The following MEI4 variants were observed in gnomAD, a reference collection of about 807,000 sequenced individuals.
MEI4 encodes meiosis-specific protein MEI4.
In MEI4, 27 loss-of-function variants were observed where a neutral mutation model predicts 31.4. That is an observed-to-expected ratio of 0.86 (90% CI 0.63 to 1.19). The LOEUF is 1.19. Among genes scored for constraint, MEI4 ranks in the 50% most tolerant of loss-of-function variants. The probability of loss-of-function intolerance (pLI) is 0.00; values close to 1 mark genes in which losing one functional copy is unlikely to be tolerated. For synonymous variants in MEI4, 122 were observed against 145.4 expected (o/e 0.84, Z 1.16); for missense variants, 329 against 398.9 (o/e 0.82, Z 1.49).
chr6:77,818,892 ACTATTTTTTTT>A (rs1286049857), intron 3 of MEI4, among the ~76,000 whole-genome samples: 1 of 151,490 alleles, frequency 6.6e-6, no homozygotes, highest in Admixed American at 6.6e-5. Flanking sequence ...ATCACACCCA[ACTATTTTTTTT>A]TTATTTGTAT....
intron 2 of MEI4, among the ~76,000 whole-genome samples, chr6:77,758,992 T>C (rs926369588): frequency 1.3e-5 from 2 of 152,288 alleles, no homozygotes; most frequent in East Asian, 3.9e-4. Context: ...TCCATTGCAA[T>C]AAGTTCTCTG....
chr6:77,651,394 T>G (rs1768295409), upstream of MEI4, among the ~76,000 whole-genome samples: 1 of 152,234 alleles, frequency 6.6e-6, no homozygotes. Flanking sequence ...CAGACACATT[T>G]GGACTTGAAT....
At chr6:77,699,187 TTC>T in intron 2 of MEI4, among the ~76,000 whole-genome samples, 1 of 105,384 alleles carries the variant, frequency 9.5e-6, no homozygotes, top group South Asian at 3.1e-4. Flanking sequence ...TTTTCAAAGT[TTC>T]TTTTTTTTTT....
intron 2 of MEI4, among the ~76,000 whole-genome samples, chr6:77,751,901 C>A (rs1381367644): frequency 6.6e-6 from 1 of 152,094 alleles, no homozygotes; most frequent in African/African-American, 2.4e-5. Flanking sequence ...AGCAGCACAT[C>A]ATCAAAAAGC....
intron 1 of MEI4, among the ~76,000 whole-genome samples, chr6:77,675,086 A>AT (rs576509340): frequency 5.4e-4 from 43 of 79,782 alleles, no homozygotes; most frequent in African/African-American, 2.8e-3. Flanking sequence ...GTAATTTATC[A>AT]TTTTTATTAG....
At chr6:77,750,077 T>C (rs989000644) in intron 2 of MEI4, among the ~76,000 whole-genome samples, 6 of 152,104 alleles carry the variant, frequency 3.9e-5, no homozygotes, top group Non-Finnish European at 8.8e-5. Context: ...GCTGAGAGAT[T>C]TTTGTCATCA....
At chr6:77,790,775 A>T (rs1467254639) in intron 3 of MEI4, among the ~76,000 whole-genome samples, 1 of 152,196 alleles carries the variant, frequency 6.6e-6, no homozygotes, top group African/African-American at 2.4e-5. Context: ...AAAAAATTGT[A>T]TCTAATAGAA....
intron 2 of MEI4, among the ~76,000 whole-genome samples, chr6:77,733,878 G>T (rs183994989): frequency 6.6e-6 from 1 of 151,928 alleles, no homozygotes; most frequent in Admixed American, 6.6e-5. Context: ...CCTTCATTTT[G>T]TTATGTACCC....
intron 2 of MEI4, among the ~76,000 whole-genome samples, chr6:77,711,035 T>A (rs1188826755): frequency 5.3e-5 from 8 of 152,218 alleles, no homozygotes; most frequent in Non-Finnish European, 1.2e-4. Flanking sequence ...TGAGATCAGC[T>A]TTTTTAGATT....
intron 2 of MEI4, among the ~76,000 whole-genome samples, chr6:77,742,230 CCCA>C (rs1276072761): frequency 6.6e-6 from 1 of 151,640 alleles, no homozygotes; most frequent in Non-Finnish European, 1.5e-5. Context: ...AGTTTACAGT[CCCA>C]CCAACAGTGT....
At chr6:77,868,514 T>TATATATATATATATATATAG (rs1398335273) in intron 4 of MEI4, among the ~76,000 whole-genome samples, 1 of 129,682 alleles carries the variant, frequency 7.7e-6, no homozygotes, top group Non-Finnish European at 1.6e-5. Flanking sequence ...TATATATATA[T>TATATATATATATATATATAG]ATATATATAT....
intron 4 of MEI4, among the ~76,000 whole-genome samples, chr6:77,921,303 A>G (rs374611230): frequency 8.6e-5 from 13 of 151,920 alleles, no homozygotes; most frequent in African/African-American, 2.7e-4. Context: ...TCTGCTATCT[A>G]TCTTCAGAGT....
intron 4 of MEI4, among the ~76,000 whole-genome samples, chr6:77,888,676 T>G (rs1220950680): frequency 1.3e-5 from 2 of 152,184 alleles, no homozygotes; most frequent in Admixed American, 6.5e-5. Context: ...TTCTGGCCTT[T>G]AAGGTTTCTG....
intron 3 of MEI4, among the ~76,000 whole-genome samples, chr6:77,793,793 G>GA (rs1270504165): frequency 1.3e-5 from 2 of 151,600 alleles, no homozygotes; most frequent in African/African-American, 2.4e-5. Flanking sequence ...AATTGATACA[G>GA]AAAAAATTAA....
chr6:77,790,458 G>A (rs1482604737), intron 3 of MEI4, among the ~76,000 whole-genome samples: 1 of 151,868 alleles, frequency 6.6e-6, no homozygotes, highest in Non-Finnish European at 1.5e-5. Flanking sequence ...ATTGGGTACA[G>A]TGTTTACTAT....
At chr6:77,884,994 G>T (rs1199080987) in intron 4 of MEI4, among the ~76,000 whole-genome samples, 2 of 152,006 alleles carry the variant, frequency 1.3e-5, no homozygotes, top group African/African-American at 4.8e-5. Flanking sequence ...AGCATGGAAT[G>T]TTTTTCCATA....
At chr6:77,781,768 A>G (rs1768602966) in intron 3 of MEI4, among the ~76,000 whole-genome samples, 1 of 152,178 alleles carries the variant, frequency 6.6e-6, no homozygotes, top group African/African-American at 2.4e-5. Context: ...GGCCTACTTA[A>G]GAGCTCTATT....
chr6:77,857,578 A>G (rs931798385), intron 4 of MEI4, among the ~76,000 whole-genome samples: 1 of 152,200 alleles, frequency 6.6e-6, no homozygotes, highest in Non-Finnish European at 1.5e-5. Context: ...TCTCCTACTC[A>G]TGAGTTACCT....
At chr6:77,710,708 C>T (rs1230687641) in intron 2 of MEI4, among the ~76,000 whole-genome samples, 3 of 152,130 alleles carry the variant, frequency 2.0e-5, no homozygotes, top group African/African-American at 7.2e-5. Context: ...CTCTGCATTA[C>T]AATCATTTGG....
Sources: gnomAD v4.1 joint callset for allele counts (sites outside exome capture counted in the v4.1 genomes callset) on GRCh38, gnomAD v4.1.1 for gene constraint, MANE v1.5 for transcripts, NCBI Gene and HGNC (gene_info 2026-07-23, HGNC 2026-07-21) for gene names.